EYA2: variants seen among roughly 807,000 people sequenced by gnomAD.
EYA2 encodes protein phosphatase EYA2.
In EYA2, 31 loss-of-function variants were observed where a neutral mutation model predicts 69.2. The observed-to-expected ratio is 0.45, with a 90% CI of 0.34 to 0.60. EYA2 has a LOEUF of 0.60. Ranked by LOEUF, EYA2 falls within the 20% of genes least tolerant of loss-of-function variation. The pLI is 0.02. For missense variants in EYA2, 622 were observed against 701.2 expected, an observed-to-expected ratio of 0.89 and a Z score of 1.28; for synonymous variants, 257 against 279.4, an observed-to-expected ratio of 0.92 and a Z score of 0.80.
Position 46,922,765 on chromosome 20 carries a change from A to G in EYA2, c.-11+27778A>G, listed in dbSNP as rs188981743. Among the ~76,000 whole-genome samples the G allele has an allele frequency of 2.4e-3, 361 of 152,200 alleles. 2 individuals carry two copies. Among genetic ancestry groups the G allele is most frequent in the African/African-American group, 8.5e-3 (352 of 41,516 alleles). Reference sequence around the variant, plus strand: ...CTGAATTTGGGGTGGGGATGTTGATAAGGAGTAGCATTTTGCATGGTCTTA... The same window carrying G: ...CTGAATTTGGGGTGGGGATGTTGATGAGGAGTAGCATTTTGCATGGTCTTA... On this transcript the variant is annotated intron_variant, in intron 1 of 15. Transcript: ENST00000327619.
chr20:47,153,120 G>C (rs2033856159), intron 10 of EYA2, among the ~76,000 whole-genome samples: 1 of 151,976 alleles, frequency 6.6e-6, no homozygotes, highest in Non-Finnish European at 1.5e-5. Flanking sequence ...ATGTCAGTCA[G>C]CTGAGCAGTA....
At chr20:46,951,277 T>C (rs150545212) in intron 1 of EYA2, among the ~76,000 whole-genome samples, 219 of 152,296 alleles carry the variant, frequency 1.4e-3, no homozygotes, top group Non-Finnish European at 2.7e-3. Context: ...GGAGGGATTT[T>C]TTCTGTAACC....
chr20:47,130,916 C>A (rs1328240763), intron 9 of EYA2, among the ~76,000 whole-genome samples: 1 of 152,038 alleles, frequency 6.6e-6, no homozygotes, highest in Non-Finnish European at 1.5e-5. Flanking sequence ...ATGGTGAAAC[C>A]CCATCTCTAC....
chr20:47,015,280 G>A lies in EYA2; in HGVS notation c.299-901G>A, dbSNP rs928618161. On this transcript the variant is annotated intron_variant, in intron 4 of 15. Coordinates refer to ENST00000327619, the MANE Select transcript of EYA2 (RefSeq NM_005244.5). ...TTTTCAGTAAAAATTAAGTGAATGA[G>A]CTGATGATGGTTAGCCTCTCCTCCT... Among the ~76,000 whole-genome samples the A allele has an allele frequency of 2.6e-5, 4 of 152,174 alleles. No homozygotes were observed. In the East Asian group the frequency reaches 5.8e-4, roughly 22 times the overall value.
At chr20:47,010,689 G>A (rs1366625059) in intron 4 of EYA2, among the ~76,000 whole-genome samples, 1 of 148,128 alleles carries the variant, frequency 6.8e-6, no homozygotes, top group African/African-American at 2.5e-5. Flanking sequence ...ATATATATGT[G>A]TATGTGTACA....
At chr20:46,901,045 T>G (rs753012373) in intron 1 of EYA2, 1 of 152,178 alleles carries the variant, frequency 6.6e-6, no homozygotes, top group African/African-American at 2.4e-5. Context: ...TTGGTTGAAG[T>G]GGACACAGAA....
intron 9 of EYA2, among the ~76,000 whole-genome samples, chr20:47,097,516 A>G (rs922969883): frequency 1.3e-5 from 2 of 152,196 alleles, no homozygotes; most frequent in Non-Finnish European, 2.9e-5. Flanking sequence ...GAGGTAAAGT[A>G]CTTTTCTTCT....
intron 9 of EYA2, among the ~76,000 whole-genome samples, chr20:47,138,948 A>G (rs1208607152): frequency 6.6e-6 from 1 of 152,184 alleles, no homozygotes; most frequent in Non-Finnish European, 1.5e-5. Context: ...AACGGTAATA[A>G]CATACAGTAC....
At chr20:46,900,794 A>G (rs1984063308) in intron 1 of EYA2, among the ~76,000 whole-genome samples, 1 of 152,180 alleles carries the variant, frequency 6.6e-6, no homozygotes, top group South Asian at 2.1e-4. Flanking sequence ...TAGATTGTGC[A>G]GGCCATTTTT....
intron 1 of EYA2, among the ~76,000 whole-genome samples, chr20:46,981,276 T>C (rs1980817650): frequency 6.6e-6 from 1 of 152,166 alleles, no homozygotes; most frequent in Admixed American, 6.5e-5. Context: ...ATGACTAGAA[T>C]TTTTGGAAGG....
At chr20:46,968,960 G>A (rs1346571890) in intron 1 of EYA2, among the ~76,000 whole-genome samples, 1 of 152,248 alleles carries the variant, frequency 6.6e-6, no homozygotes, top group Non-Finnish European at 1.5e-5. Flanking sequence ...AAATCAACCA[G>A]TGTATGGAAA....
chr20:47,019,213 A>G lies in EYA2; in HGVS notation c.415+2916A>G, dbSNP rs541189017. On this transcript the variant is annotated intron_variant, in intron 5 of 15. Transcript: ENST00000327619. ...CCCCCACCTCAATCCCCACCAGCCA[A>G]CGTCTCCAGCTCTCTTCTCGCCCTA... Among the ~76,000 whole-genome samples, 4 of 152,192 alleles carry G rather than the reference A, an allele frequency of 2.6e-5. No homozygotes were observed. The East Asian group carries it at 5.8e-4, about 22-fold the overall frequency.
chr20:47,078,316 C>T (rs1038707040), intron 7 of EYA2, among the ~76,000 whole-genome samples: 2 of 94,964 alleles, frequency 2.1e-5, no homozygotes, highest in Non-Finnish European at 4.1e-5. Context: ...CACATGTGCA[C>T]GTGCGCGCGC....
At chr20:47,057,738 T>C (rs2030702113) in intron 5 of EYA2, among the ~76,000 whole-genome samples, 1 of 152,196 alleles carries the variant, frequency 6.6e-6, no homozygotes, top group South Asian at 2.1e-4. Context: ...AGGCCTCCTT[T>C]GCACTGCCGG....
intron 9 of EYA2, among the ~76,000 whole-genome samples, chr20:47,106,653 G>A (rs913551217): frequency 6.6e-6 from 1 of 151,950 alleles, no homozygotes; most frequent in African/African-American, 2.4e-5. Context: ...GGCTGGCTAT[G>A]GTCCTATCTG....
intron 9 of EYA2, among the ~76,000 whole-genome samples, chr20:47,139,445 T>C (rs2033547470): frequency 6.6e-6 from 1 of 152,236 alleles, no homozygotes; most frequent in Non-Finnish European, 1.5e-5. Flanking sequence ...TTATTTTATT[T>C]TTTTGGTACG....
At chr20:47,166,393 T>TTAAAA (rs1555806208) in intron 10 of EYA2, among the ~76,000 whole-genome samples, 1,745 of 34,524 alleles carry the variant, frequency 0.051, 176 homozygotes, top group Non-Finnish European at 0.079. Flanking sequence ...CAAGACTGTC[T>TTAAAA]AAAAAAAAAA....
rs1402466526 is a variant in EYA2 at position 47,157,967 on chromosome 20, G to A, written c.979-11172G>A. ...CTAAAGCTGACACTGGAGTTACAGC[G>A]CATATGACAAATGGACAAATTGCGG... On this transcript the variant is annotated intron_variant, in intron 10 of 15. Transcript: ENST00000327619. 3.9e-5 allele frequency among the ~76,000 whole-genome samples: 6 copies of A among 151,934 alleles called. No individual in the cohort carries two copies. In the East Asian group the frequency reaches 7.9e-4, roughly 20 times the overall value.
At chr20:47,143,020 C>T (rs745988411) in intron 9 of EYA2, 39 bp from the exon 10 acceptor site, 6 of 1,584,548 alleles carry the variant, frequency 3.8e-6, no homozygotes, top group Non-Finnish European at 4.3e-6. Flanking sequence ...ATTCCTCAGG[C>T]TCCGCGTGCA....
Sources: allele counts gnomAD v4.1 joint callset (sites outside exome capture counted in the v4.1 genomes callset), GRCh38; gene constraint gnomAD v4.1.1; transcripts MANE v1.5; gene names NCBI Gene and HGNC (gene_info 2026-07-23, HGNC 2026-07-21).